The following KLHL20 variants were observed in gnomAD, a reference collection of about 807,000 sequenced individuals.
KLHL20 encodes the protein kelch-like protein 20.
KLHL20 carries 29 observed loss-of-function variants against 69.5 expected under a neutral mutation model. The observed-to-expected ratio is 0.42, with a 90% CI of 0.31 to 0.57. The LOEUF is 0.57. KLHL20 is among the 20% of genes least tolerant of loss of function. The pLI, the probability that KLHL20 is intolerant of heterozygous loss-of-function variation, is 0.18. For missense variants in KLHL20, 419 were observed against 776.0 expected, an observed-to-expected ratio of 0.54 and a Z score of 5.47; for synonymous variants, 253 against 265.2, an observed-to-expected ratio of 0.95 and a Z score of 0.45.
intron 8 of KLHL20, 31 bp from the exon 9 acceptor site, chr1:173,774,274 C>T (rs774149006): frequency 1.5e-5 from 25 of 1,613,602 alleles, no homozygotes; most frequent in Non-Finnish European, 1.9e-5. Flanking sequence ...TTAATAAGAA[C>T]AAGCATACAG....
At chr1:173,735,450 CAAA>C (rs60081642) in intron 3 of KLHL20, among the ~76,000 whole-genome samples, 1 of 108,026 alleles carries the variant, frequency 9.3e-6, no homozygotes, top group Non-Finnish European at 2.0e-5. Flanking sequence ...GACCCTATCT[CAAA>C]AAAAAAAAAA....
chr1:173,771,342 T>A (rs1286348086), intron 8 of KLHL20, among the ~76,000 whole-genome samples: 1 of 152,152 alleles, frequency 6.6e-6, no homozygotes, highest in African/African-American at 2.4e-5. Flanking sequence ...AGTTCAAGGC[T>A]GCAGTGAGCT....
chr1:173,728,365 T>C (rs1048337934), intron 2 of KLHL20, among the ~76,000 whole-genome samples: 7 of 151,996 alleles, frequency 4.6e-5, no homozygotes, highest in African/African-American at 1.7e-4. Context: ...ATATCCAGGA[T>C]TTGAACTCAG....
intron 2 of KLHL20, among the ~76,000 whole-genome samples, chr1:173,729,673 A>AC (rs1280564748): frequency 3.9e-5 from 6 of 152,226 alleles, no homozygotes; most frequent in African/African-American, 7.2e-5. Flanking sequence ...AAATTCAACA[A>AC]CCTTCATGCT....
At chr1:173,719,022 G>C (rs1371833646) in intron 2 of KLHL20, among the ~76,000 whole-genome samples, 1 of 150,108 alleles carries the variant, frequency 6.7e-6, no homozygotes, top group Non-Finnish European at 1.5e-5. Flanking sequence ...GGAGAATGGC[G>C]TGAACCTGGG....
At chr1:173,759,845 T>C (rs1673718214) in intron 7 of KLHL20, among the ~76,000 whole-genome samples, 1 of 151,926 alleles carries the variant, frequency 6.6e-6, no homozygotes, top group African/African-American at 2.4e-5. Flanking sequence ...TCATACTAAT[T>C]CACCAGCAAT....
Position 173,751,760 on chromosome 1 carries a change from A to AC in KLHL20, c.598-3dup. 6.2e-7 allele frequency: 1 copy of AC among 1,612,934 alleles called. No homozygotes were observed. Among genetic ancestry groups the AC allele is most frequent in the Non-Finnish European group, 8.5e-7 (1 of 1,179,368 alleles). On this transcript the variant is annotated splice_polypyrimidine_tract_variant and splice_region_variant and intron_variant, in intron 3 of 11. Coordinates refer to ENST00000209884, the MANE Select transcript of KLHL20 (RefSeq NM_014458.4). ...TTTTTTTCTTCTTACCTAACTTTGA[A>AC]CAGGTAATGGAGAGTGAAGAGTTCA...
chr1:173,769,583 T>A (rs1164344133), intron 8 of KLHL20, among the ~76,000 whole-genome samples: 4 of 151,884 alleles, frequency 2.6e-5, no homozygotes, highest in South Asian at 2.1e-4. Context: ...GAGTCCAGGA[T>A]TTCAAACCAG....
chr1:173,740,011 A>C (rs372725395), intron 3 of KLHL20, among the ~76,000 whole-genome samples: 1 of 151,314 alleles, frequency 6.6e-6, no homozygotes, highest in African/African-American at 2.4e-5. Flanking sequence ...ATAATGGTCT[A>C]TCCATTTTGT....
At chr1:173,766,439 G>A in intron 8 of KLHL20, 150 bp downstream of exon 8, 1 of 433,666 alleles carries the variant, frequency 2.3e-6, no homozygotes, top group Non-Finnish European at 3.8e-6. Context: ...GAACTCAGGA[G>A]TTCGAGACCA....
intron 7 of KLHL20, among the ~76,000 whole-genome samples, chr1:173,758,043 A>C (rs1673631944): frequency 6.6e-6 from 1 of 152,142 alleles, no homozygotes; most frequent in Non-Finnish European, 1.5e-5. Context: ...AAAAATCTTA[A>C]AAAGCAGAGG....
At chr1:173,721,220 G>T (rs1345742553) in intron 2 of KLHL20, among the ~76,000 whole-genome samples, 2 of 151,992 alleles carry the variant, frequency 1.3e-5, no homozygotes, top group Non-Finnish European at 2.9e-5. Flanking sequence ...TTGAAGGATA[G>T]CTGAGCTACT....
intron 3 of KLHL20, among the ~76,000 whole-genome samples, chr1:173,738,963 T>C (rs947928685): frequency 1.3e-5 from 2 of 152,160 alleles, no homozygotes; most frequent in Non-Finnish European, 2.9e-5. Context: ...TGTTTCTTTG[T>C]TATGTTCTTT....
chr1:173,742,296 C>T (rs535509463), intron 3 of KLHL20, among the ~76,000 whole-genome samples: 15 of 152,250 alleles, frequency 9.9e-5, no homozygotes, highest in East Asian at 3.9e-4. Context: ...AAAGGAACTA[C>T]GGCGGTATCT....
intron 11 of KLHL20, among the ~76,000 whole-genome samples, chr1:173,784,871 T>C (rs1649105592): frequency 6.6e-6 from 1 of 152,232 alleles, no homozygotes. Context: ...CAGTGAGGTA[T>C]ACAGTTGTAA....
chr1:173,774,915 A>G (rs1350685266), intron 9 of KLHL20, among the ~76,000 whole-genome samples: 1 of 152,110 alleles, frequency 6.6e-6, no homozygotes, highest in Non-Finnish European at 1.5e-5. Context: ...GACTCAAGCA[A>G]TCCTCCCACC....
intron 8 of KLHL20, among the ~76,000 whole-genome samples, chr1:173,766,994 T>C (rs1647775889): frequency 6.6e-6 from 1 of 152,172 alleles, no homozygotes; most frequent in South Asian, 2.1e-4. Context: ...ACATTAGAGC[T>C]CTTGAATTTA....
At chr1:173,774,625 G>A (rs1039688130) in intron 9 of KLHL20, among the ~76,000 whole-genome samples, 187 bp downstream of exon 9, 2 of 152,108 alleles carry the variant, frequency 1.3e-5, no homozygotes, top group African/African-American at 2.4e-5. Flanking sequence ...TTCTAAGTAC[G>A]TTCCCCAAAT....
intron 11 of KLHL20, among the ~76,000 whole-genome samples, chr1:173,783,876 A>AG (rs1649036216): frequency 6.6e-6 from 1 of 151,196 alleles, no homozygotes; most frequent in East Asian, 1.9e-4. Flanking sequence ...CAAAAAAAAA[A>AG]AAAGATTTAC....
Sources: allele counts gnomAD v4.1 joint callset (sites outside exome capture counted in the v4.1 genomes callset), GRCh38; gene constraint gnomAD v4.1.1; transcripts MANE v1.5; gene names NCBI Gene and HGNC (gene_info 2026-07-23, HGNC 2026-07-21).